The following STK3 variants were observed in gnomAD, a reference collection of about 807,000 sequenced individuals.
The protein encoded by STK3 is serine/threonine-protein kinase 3.
STK3 carries 41 observed loss-of-function variants against 58.0 expected under a neutral mutation model. The ratio of observed to expected loss-of-function variants is 0.71; its 90% CI spans 0.55 to 0.92. The LOEUF is 0.92. STK3 is among the 40% of genes least tolerant of loss of function. STK3 has a pLI of 0.00. For synonymous variants in STK3, 170 were observed against 191.0 expected (o/e 0.89, Z 0.91); for missense variants, 479 against 602.7 (o/e 0.79, Z 2.15).
Position 98,767,281 on chromosome 8 carries a change from T to G in STK3, c.198A>C (p.Glu66Asp). The G allele has an allele frequency of 6.2e-7, 1 of 1,611,846 alleles. No individual in the cohort carries two copies. The highest frequency in any genetic ancestry group is 8.5e-7 in the Non-Finnish European group (1 of 1,179,496). The change falls in exon 3 of 11, where the codon GAA becomes GAC. Residue 66 changes from glutamate to aspartate, a missense_variant. Glu to Asp is a conservative substitution (Grantham distance 45). Around this residue, in one of 3 missense-constraint regions of STK3, gnomAD observed 126 missense variants for 210.1 expected, o/e 0.60. Transcript: ENST00000419617. ...GCATTATGGAAATTTCTTTGATTATTTCCTGAAGATCTGATTCAACAGGTA... is the reference window on the plus strand; with the variant it reads ...GCATTATGGAAATTTCTTTGATTATGTCCTGAAGATCTGATTCAACAGGTA... ...KQVPVESDLQ[E>D]IIKEISIMQQ...
At chr8:98,941,024 G>A (rs970107006) in intron 1 of STK3, among the ~76,000 whole-genome samples, 6 of 152,194 alleles carry the variant, frequency 3.9e-5, no homozygotes, top group African/African-American at 1.4e-4. Context: ...CCGCTGGGCC[G>A]GCGGGGCAGC....
At chr8:98,806,306 A>T (rs529972254) in intron 1 of STK3, among the ~76,000 whole-genome samples, 64 of 152,290 alleles carry the variant, frequency 4.2e-4, no homozygotes, top group Middle Eastern at 3.4e-3. Flanking sequence ...GGAAAAAAAA[A>T]ATATATCTTC....
intron 6 of STK3, among the ~76,000 whole-genome samples, chr8:98,600,712 G>A (rs960289718): frequency 2.0e-5 from 3 of 151,952 alleles, no homozygotes; most frequent in African/African-American, 4.8e-5. Context: ...TGTCTCTAAC[G>A]GTGGAAAACT....
chr8:98,768,410 A>T (rs1445325527), intron 2 of STK3, among the ~76,000 whole-genome samples: 2 of 152,236 alleles, frequency 1.3e-5, no homozygotes, highest in Non-Finnish European at 2.9e-5. Flanking sequence ...AATCTTTTAA[A>T]ATAAGTGAAA....
rs183683495 is a variant in STK3 at position 98,930,053 on chromosome 8, A to G, written c.-79+12325T>C. Among the ~76,000 whole-genome samples the G allele has an allele frequency of 4.1e-4, 62 of 152,228 alleles. No individual in the cohort carries two copies. In the East Asian group the frequency reaches 0.011, roughly 28 times the overall value. On this transcript the variant is annotated intron_variant, in intron 1 of 1. Coordinates refer to the STK3 transcript ENST00000519420. ...TTTCCTCAAAATTATTAAGATCTTG[A>G]GGTGTCCTGAACAACATGTAGGAAG...
At chr8:98,447,177 C>T (rs549100377) in intron 1 of STK3, among the ~76,000 whole-genome samples, 1 of 152,054 alleles carries the variant, frequency 6.6e-6, no homozygotes, top group Non-Finnish European at 1.5e-5. Flanking sequence ...ATCTGTACAA[C>T]AAACCCCCAT....
intron 6 of STK3, among the ~76,000 whole-genome samples, chr8:98,636,490 T>G (rs1018381343): frequency 3.0e-4 from 45 of 152,310 alleles, no homozygotes; most frequent in Middle Eastern, 3.4e-3. Context: ...ACCCAGTACC[T>G]GCTCTCTTGA....
chr8:98,686,307 T>G (rs1269515787), intron 6 of STK3, among the ~76,000 whole-genome samples: 2 of 152,134 alleles, frequency 1.3e-5, no homozygotes, highest in Non-Finnish European at 2.9e-5. Context: ...ACAACCAATT[T>G]GGGAGAGAAG....
At chr8:98,640,302 G>C (rs540072549) in intron 6 of STK3, among the ~76,000 whole-genome samples, 1 of 151,956 alleles carries the variant, frequency 6.6e-6, no homozygotes, top group Non-Finnish European at 1.5e-5. Context: ...TGCCTGCCTT[G>C]GCCTCCCAAA....
At chr8:98,651,269 G>C (rs1018557398) in intron 6 of STK3, among the ~76,000 whole-genome samples, 1 of 152,208 alleles carries the variant, frequency 6.6e-6, no homozygotes, top group Non-Finnish European at 1.5e-5. Flanking sequence ...CAACACACCT[G>C]CAGCTGAGGG....
chr8:98,827,986 CTTT>C (rs112858815), upstream of STK3, among the ~76,000 whole-genome samples: 2 of 143,952 alleles, frequency 1.4e-5, no homozygotes, highest in African/African-American at 5.1e-5. Flanking sequence ...ATACTCCCAG[CTTT>C]TTTTTTTTTT....
At chr8:98,736,451 T>C (rs963660295) in intron 4 of STK3, among the ~76,000 whole-genome samples, 3 of 152,198 alleles carry the variant, frequency 2.0e-5, no homozygotes, top group African/African-American at 7.2e-5. Flanking sequence ...TGACAAGGTA[T>C]GAAACTGTAC....
chr8:98,658,370 T>C (rs1055168142), intron 6 of STK3, among the ~76,000 whole-genome samples: 14 of 152,050 alleles, frequency 9.2e-5, no homozygotes, highest in African/African-American at 3.1e-4. Flanking sequence ...TGCAGGGTCA[T>C]GCTTGCAATA....
chr8:98,878,702 A>G (rs772746126), intron 3 of STK3, among the ~76,000 whole-genome samples: 1 of 152,062 alleles, frequency 6.6e-6, no homozygotes, highest in Non-Finnish European at 1.5e-5. Flanking sequence ...CCATTGCTCC[A>G]TTTGTAAGGG....
rs200636934 is a variant in STK3 at position 98,639,110 on chromosome 8, C to CTT, written c.685-42943_685-42942dup. Among the ~76,000 whole-genome samples the CTT allele has an allele frequency of 3.9e-3, 544 of 138,504 alleles. 9 individuals are homozygous for CTT. Among genetic ancestry groups the CTT allele is most frequent in the African/African-American group, 0.013 (493 of 37,874 alleles). 90.9% of individuals were successfully genotyped at this position (138,504 alleles called of 152,430 possible). On this transcript the variant is annotated intron_variant, in intron 6 of 10. Coordinates refer to ENST00000419617, the MANE Select transcript of STK3 (RefSeq NM_006281.4). ...CTAAAAGTTACAATAAGGAGATACA[C>CTT]TTTTTTTTTTTTTTTTTTGAGCAAG...
At chr8:98,635,672 A>T (rs2130556432) in intron 6 of STK3, among the ~76,000 whole-genome samples, 1 of 152,312 alleles carries the variant, frequency 6.6e-6, no homozygotes, top group Non-Finnish European at 1.5e-5. Context: ...AACTTGCTAG[A>T]CTACATTATT....
At chr8:98,401,949 A>T (rs1289699054) in intron 3 of STK3, among the ~76,000 whole-genome samples, 1 of 152,204 alleles carries the variant, frequency 6.6e-6, no homozygotes, top group East Asian at 1.9e-4. Flanking sequence ...GAACACCCAG[A>T]AAAATAAAAG....
intron 1 of STK3, chr8:98,782,578 G>C (rs988964324): frequency 1.3e-5 from 4 of 299,946 alleles, no homozygotes; most frequent in African/African-American, 9.1e-5. Context: ...TCCAGGCCAA[G>C]AAGGAAGAGA....
At chr8:98,892,929 C>T (rs1479887583) in intron 1 of STK3, among the ~76,000 whole-genome samples, 1 of 152,084 alleles carries the variant, frequency 6.6e-6, no homozygotes, top group Admixed American at 6.5e-5. Flanking sequence ...TACTACAGCT[C>T]TCTAAGAATA....
Sources: gnomAD v4.1 joint callset for allele counts (sites outside exome capture counted in the v4.1 genomes callset) on GRCh38, gnomAD v4.1.1 for gene constraint, gnomAD v4.1.1 regional missense constraint, MANE v1.5 for transcripts, NCBI Gene and HGNC (gene_info 2026-07-23, HGNC 2026-07-21) for gene names.